Variants in CSMD1 observed in about 807,000 individuals in gnomAD.
The protein encoded by CSMD1 is CUB and Sushi multiple domains 1.
Under a neutral mutation model 417.5 loss-of-function variants are expected in CSMD1, and 213 were observed. The ratio of observed to expected loss-of-function variants is 0.51; its 90% CI spans 0.46 to 0.57. The LOEUF is 0.57. CSMD1 is among the 20% of genes least tolerant of loss of function. The pLI is 0.00. For synonymous variants in CSMD1, 2,862 were observed against 1,736.8 expected (o/e 1.65, Z -16.11); for missense variants, 6,923 against 4,529.7 (o/e 1.53, Z -15.17).
intron 1 of CSMD1, among the ~76,000 whole-genome samples, chr8:4,934,856 TCTAA>T (rs1199567597): frequency 6.6e-6 from 1 of 152,228 alleles, no homozygotes; most frequent in South Asian, 2.1e-4. Flanking sequence ...CAATCAATCA[TCTAA>T]CTATACTACA....
intron 5 of CSMD1, among the ~76,000 whole-genome samples, chr8:3,877,848 A>G (rs1254739321): frequency 6.6e-6 from 1 of 152,204 alleles, no homozygotes; most frequent in Non-Finnish European, 1.5e-5. Flanking sequence ...AATTTTGTCT[A>G]ATAATGACAA....
chr8:3,038,323 T>C (rs189647963), intron 50 of CSMD1, among the ~76,000 whole-genome samples: 68 of 152,336 alleles, frequency 4.5e-4, no homozygotes, highest in African/African-American at 1.5e-3. Flanking sequence ...CCTGATATTT[T>C]AATTACATAA....
chr8:3,103,686 C>T (rs1166371275), intron 46 of CSMD1, among the ~76,000 whole-genome samples: 8 of 151,448 alleles, frequency 5.3e-5, no homozygotes, highest in Non-Finnish European at 7.4e-5. Context: ...ATGAATTAAA[C>T]GTCATTTAAA....
chr8:3,302,960 C>A (rs989352965), intron 25 of CSMD1, among the ~76,000 whole-genome samples: 2 of 152,198 alleles, frequency 1.3e-5, no homozygotes, highest in African/African-American at 2.4e-5. Context: ...CCATGACCAG[C>A]AACTGCTCCC....
At chr8:4,788,154 G>C (rs966363546) in intron 1 of CSMD1, 26 of 1,599,354 alleles carry the variant, frequency 1.6e-5, no homozygotes, top group Middle Eastern at 2.2e-4. Flanking sequence ...TGGTCACTGT[G>C]AAAAAATCAA....
At chr8:4,862,405 G>T (rs1263109624) in intron 1 of CSMD1, among the ~76,000 whole-genome samples, 1 of 152,098 alleles carries the variant, frequency 6.6e-6, no homozygotes, top group African/African-American at 2.4e-5. Flanking sequence ...AATCACTGTA[G>T]CTGTGAAGTA....
chr8:4,402,226 T>C (rs1423229416), intron 3 of CSMD1, among the ~76,000 whole-genome samples: 1 of 152,176 alleles, frequency 6.6e-6, no homozygotes, highest in Non-Finnish European at 1.5e-5. Context: ...ATCTCTGTTT[T>C]GGGGGCTCAT....
intron 7 of CSMD1, among the ~76,000 whole-genome samples, chr8:3,627,261 T>G (rs563242647): frequency 1.2e-4 from 19 of 152,280 alleles, no homozygotes; most frequent in Admixed American, 7.8e-4. Flanking sequence ...GTGCAGCTGT[T>G]CATGCCCATT....
chr8:4,436,057 GATCTT>G (rs1321652320), intron 2 of CSMD1, among the ~76,000 whole-genome samples: 1 of 152,130 alleles, frequency 6.6e-6, no homozygotes, highest in Non-Finnish European at 1.5e-5. Flanking sequence ...ATCATTCACA[GATCTT>G]ATAATTCCAA....
chr8:4,146,078 C>A (rs150916413), intron 3 of CSMD1, among the ~76,000 whole-genome samples: 8 of 150,874 alleles, frequency 5.3e-5, no homozygotes, highest in Non-Finnish European at 1.2e-4. Flanking sequence ...GAGGCAATTG[C>A]ATGTATCTGC....
chr8:3,383,199 G>T (rs1404935352), intron 18 of CSMD1, among the ~76,000 whole-genome samples: 1 of 152,220 alleles, frequency 6.6e-6, no homozygotes, highest in African/African-American at 2.4e-5. Flanking sequence ...AGATCATGGT[G>T]ATGCTTTCAT....
intron 12 of CSMD1, among the ~76,000 whole-genome samples, chr8:3,450,729 G>C (rs1194505272): frequency 1.3e-5 from 2 of 151,996 alleles, no homozygotes; most frequent in African/African-American, 2.4e-5. Flanking sequence ...GGACATTTGG[G>C]TTGGTTCCAA....
chr8:3,030,365 A>G (rs1253526193), intron 50 of CSMD1, among the ~76,000 whole-genome samples: 1 of 152,092 alleles, frequency 6.6e-6, no homozygotes, highest in African/African-American at 2.4e-5. Context: ...ATTCATTAAA[A>G]TCAACCACCA....
chr8:4,414,990 G>C (rs540276243), intron 3 of CSMD1, among the ~76,000 whole-genome samples: 12 of 152,238 alleles, frequency 7.9e-5, no homozygotes, highest in African/African-American at 2.6e-4. Context: ...AAGCCAAAAT[G>C]TGATAAATTG....
chr8:3,394,333 A>C (rs1041212129), intron 17 of CSMD1, among the ~76,000 whole-genome samples: 1 of 150,080 alleles, frequency 6.7e-6, no homozygotes, highest in Non-Finnish European at 1.5e-5. Context: ...GCTAAATAGA[A>C]ATTTATGAAA....
chr8:3,100,101 G>A (rs1815622778), intron 46 of CSMD1, among the ~76,000 whole-genome samples: 1 of 152,112 alleles, frequency 6.6e-6, no homozygotes, highest in Non-Finnish European at 1.5e-5. Flanking sequence ...AGCCAGGCTG[G>A]AGGGCAGTGG....
intron 5 of CSMD1, among the ~76,000 whole-genome samples, chr8:3,780,476 T>A (rs1035297988): frequency 1.3e-5 from 2 of 152,230 alleles, no homozygotes; most frequent in Admixed American, 1.3e-4. Flanking sequence ...AATTACATCC[T>A]GAATCGAGTA....
intron 30 of CSMD1, among the ~76,000 whole-genome samples, chr8:3,213,783 A>G (rs73496186): frequency 0.1 from 15,610 of 150,648 alleles, 2,016 homozygotes; most frequent in African/African-American, 0.3. Context: ...GTGTGTATGT[A>G]TATATATGTA....
At chr8:4,240,834 G>A (rs1802356048) in intron 3 of CSMD1, among the ~76,000 whole-genome samples, 1 of 152,130 alleles carries the variant, frequency 6.6e-6, no homozygotes, top group African/African-American at 2.4e-5. Context: ...GTCTATGTGA[G>A]GGCGTAGCAT....
Sources: allele counts gnomAD v4.1 joint callset (sites outside exome capture counted in the v4.1 genomes callset), GRCh38; gene constraint gnomAD v4.1.1; transcripts MANE v1.5; gene names NCBI Gene and HGNC (gene_info 2026-07-23, HGNC 2026-07-21).